The following NBN variants were observed in gnomAD, a reference collection of about 807,000 sequenced individuals.
NBN encodes the protein Nijmegen breakage syndrome 1 (nibrin).
A neutral mutation model predicts 90.8 loss-of-function variants in NBN; 88 were observed. That is an observed-to-expected ratio of 0.97 (90% CI 0.82 to 1.16). The LOEUF is 1.16. NBN is among the 50% of genes most tolerant of loss of function. NBN has a pLI of 0.00. For missense variants in NBN, 894 were observed against 869.6 expected (o/e 1.03, Z -0.35); for synonymous variants, 328 against 295.1 (o/e 1.11, Z -1.14).
In NBN at chr8:89,962,620, G is replaced by A. The variant is rs1586072479; in HGVS notation, c.994+1790C>T. Among the ~76,000 whole-genome samples the A allele has an allele frequency of 2.6e-5, 4 of 152,234 alleles. No homozygotes were observed. In the South Asian group the frequency reaches 8.3e-4, roughly 32 times the overall value. ...TATGGATGAATTCTGGGAATTTGGTGAAAATATTAATCATATCACGATTCC... is the reference window on the plus strand; with the variant it reads ...TATGGATGAATTCTGGGAATTTGGTAAAAATATTAATCATATCACGATTCC... On this transcript the variant is annotated intron_variant, in intron 8 of 15. Transcript: ENST00000265433.
rs575147758 is a variant in NBN at position 89,952,609 on chromosome 8, C to T, written c.1845+635G>A. Among the ~76,000 whole-genome samples, 4 of 152,260 alleles carry T rather than the reference C, an allele frequency of 2.6e-5. No homozygotes were observed. In the East Asian group the frequency reaches 7.7e-4, roughly 29 times the overall value. Reference sequence around the variant, plus strand: ...TCCTGTCCTTATTCTGCAGGTGTTACTGGAGAGGATGACCACAGCCATGAA... The same window carrying T: ...TCCTGTCCTTATTCTGCAGGTGTTATTGGAGAGGATGACCACAGCCATGAA... On this transcript the variant is annotated intron_variant, in intron 11 of 15. Transcript: ENST00000265433.
intron 1 of NBN, among the ~76,000 whole-genome samples, chr8:89,983,856 G>C (rs1041747180): frequency 2.6e-5 from 4 of 152,050 alleles, no homozygotes; most frequent in Non-Finnish European, 4.4e-5. Flanking sequence ...ATTTAGTTTG[G>C]CGCTCTCCAT....
intron 7 of NBN, among the ~76,000 whole-genome samples, chr8:89,966,567 A>C (rs1170590198): frequency 6.6e-6 from 1 of 152,238 alleles, no homozygotes; most frequent in African/African-American, 2.4e-5. Context: ...ATAAATGGGG[A>C]TACCACATTC....
At chr8:89,962,345 A>C (rs1811028480) in intron 8 of NBN, among the ~76,000 whole-genome samples, 1 of 152,180 alleles carries the variant, frequency 6.6e-6, no homozygotes, top group South Asian at 2.1e-4. Flanking sequence ...ACTGACTTAG[A>C]CCTAATCACC....
chr8:89,959,438 T>C (rs1308972742), intron 8 of NBN, among the ~76,000 whole-genome samples: 1 of 152,156 alleles, frequency 6.6e-6, no homozygotes, highest in Non-Finnish European at 1.5e-5. Flanking sequence ...TCTCCTTCCA[T>C]ACCACCACGC....
At chr8:89,957,770 A>T (rs1474911946) in intron 9 of NBN, among the ~76,000 whole-genome samples, 7 of 152,180 alleles carry the variant, frequency 4.6e-5, no homozygotes, top group Non-Finnish European at 8.8e-5. Flanking sequence ...ATGCCATATA[A>T]GTGTGTAGCC....
At chr8:89,947,387 T>C (rs981578888) in intron 12 of NBN, among the ~76,000 whole-genome samples, 2 of 152,126 alleles carry the variant, frequency 1.3e-5, no homozygotes, top group African/African-American at 4.8e-5. Flanking sequence ...CCCAGCACTT[T>C]GTGAGGCCAA....
intron 9 of NBN, among the ~76,000 whole-genome samples, chr8:89,955,816 C>T (rs1252939284): frequency 1.3e-5 from 2 of 152,082 alleles, no homozygotes; most frequent in Non-Finnish European, 2.9e-5. Flanking sequence ...CAAACACACA[C>T]AGAATACCAA....
Position 89,958,169 on chromosome 8 carries a change from C to T in NBN, c.1124+556G>A, listed in dbSNP as rs13312907. Among the ~76,000 whole-genome samples the T allele has an allele frequency of 7.7e-3, 1,167 of 152,196 alleles. 17 individuals are homozygous for T. Among genetic ancestry groups the T allele is most frequent in the African/African-American group, 0.027 (1,123 of 41,518 alleles). ...GATCTGACAGGAGGTGGAGCTCAGG[C>T]GGTAATGCAAGCAATGGGAGCAGCT... On this transcript the variant is annotated intron_variant, in intron 9 of 15. Coordinates refer to ENST00000265433, the MANE Select transcript of NBN (RefSeq NM_002485.5).
rs2129696801 is a variant in NBN, at chr8:89,953,310, T to C, written c.1779A>G (p.Pro593=). ...TGTCATTTGTTTCTATATCCATCCT[T>C]GGCCTTTTTCTAACATTGACATCTT... ...QEEDVNVRKR[P]RMDIETNDTF... The change falls in exon 11 of 16, where the codon CCA becomes CCG. Residue 593 remains proline (P), a synonymous_variant. Coordinates refer to ENST00000265433, the MANE Select transcript of NBN (RefSeq NM_002485.5). The C allele has an allele frequency of 6.2e-7, 1 of 1,613,464 alleles. No homozygotes were observed.
At position 89,984,585 on chromosome 8, in the gene NBN, G is replaced by T; in HGVS notation, c.-24C>A. 2.5e-6 allele frequency: 4 copies of T among 1,612,276 alleles called. No individual in the cohort carries two copies. Among genetic ancestry groups the T allele is most frequent in the Non-Finnish European group, 3.4e-6 (4 of 1,179,538 alleles). The stretch of plus-strand genomic sequence containing the variant: ...ATCGGTCCGGCTCCTCAGGGCTGGG[G>T]CCGACGTGCAACCGCGTAACCGGGG... On this transcript the variant is annotated 5_prime_UTR_variant, in exon 1 of 16. Transcript: ENST00000265433.
chr8:89,980,710 A>G (rs1805842), intron 4 of NBN, 24 bp downstream of exon 4: 5 of 1,589,478 alleles, frequency 3.1e-6, no homozygotes, highest in Non-Finnish European at 4.3e-6. Context: ...TATTTTTAAC[A>G]TAAGAACAAG....
intron 8 of NBN, among the ~76,000 whole-genome samples, chr8:89,961,621 G>C (rs749572015): frequency 1.3e-5 from 2 of 152,176 alleles, no homozygotes; most frequent in Non-Finnish European, 2.9e-5. Context: ...GTGAGGAAGT[G>C]TGGGAACTAT....
intron 5 of NBN, among the ~76,000 whole-genome samples, chr8:89,972,860 A>G (rs1811579355): frequency 6.6e-6 from 1 of 152,234 alleles, no homozygotes; most frequent in African/African-American, 2.4e-5. Flanking sequence ...ACTATGACTG[A>G]GTAGATGTGA....
At chr8:89,981,649 C>A in intron 2 of NBN, 126 bp from the exon 3 acceptor site, 1 of 948,836 alleles carries the variant, frequency 1.1e-6, no homozygotes, top group South Asian at 1.5e-5. Flanking sequence ...ACAACAATTA[C>A]TGCTTCGGTT....
At chr8:89,950,409 G>A (rs1810393600) in intron 11 of NBN, among the ~76,000 whole-genome samples, 1 of 151,972 alleles carries the variant, frequency 6.6e-6, no homozygotes, top group African/African-American at 2.4e-5. Flanking sequence ...GCATTGTTTA[G>A]GAAATAATAA....
At position 89,971,218 on chromosome 8, in the gene NBN, T is replaced by C. The variant is rs745768664; in HGVS notation, c.657A>G (p.Lys219=). Residue 219 remains lysine, a synonymous_variant, in exon 6 of 16, where the codon AAA becomes AAG. Transcript: ENST00000265433. ...TAAATGTTTTCCCTTTGAAGATTTGTTTTCTTTCCTGCCGTCCTGACAGAT... is the reference window on the plus strand; with the variant it reads ...TAAATGTTTTCCCTTTGAAGATTTGCTTTCTTTCCTGCCGTCCTGACAGAT... ...NVDLSGRQER[K]QIFKGKTFIF... is the part of the protein sequence containing the mutation. 3.7e-6 allele frequency: 6 copies of C among 1,612,564 alleles called. No homozygotes were observed. The South Asian group carries it at 5.5e-5, about 15-fold the overall frequency.
chr8:89,936,422 G>A lies in NBN; in HGVS notation c.2234+604C>T, dbSNP rs183379987. Among the ~76,000 whole-genome samples, 412 of 152,138 alleles carry A rather than the reference G, an allele frequency of 2.7e-3. 3 individuals carry two copies. The highest frequency in any genetic ancestry group is 9.4e-3 in the African/African-American group (391 of 41,494). ...ATGAAATTAGAGAATCAATCTAATT[G>A]GCTGCAAAACAGACTCAAAAATAAT... On this transcript the variant is annotated intron_variant, in intron 15 of 15. Transcript: ENST00000265433.
intron 2 of NBN, chr8:89,981,982 T>A (rs1311945657): frequency 3.3e-6 from 4 of 1,212,472 alleles, no homozygotes; most frequent in Non-Finnish European, 4.3e-6. Context: ...CTGTAGAAAT[T>A]TCCAAAATGT....
Sources: gnomAD v4.1 joint callset for allele counts (sites outside exome capture counted in the v4.1 genomes callset) on GRCh38, gnomAD v4.1.1 for gene constraint, MANE v1.5 for transcripts, NCBI Gene and HGNC (gene_info 2026-07-23, HGNC 2026-07-21) for gene names.